Variants in PTP4A2 observed in about 807,000 individuals in gnomAD.
The protein encoded by PTP4A2 is protein tyrosine phosphatase type IVA 2.
PTP4A2 carries 2 observed loss-of-function variants against 22.9 expected under a neutral mutation model. That is an observed-to-expected ratio of 0.09 (90% CI 0.04 to 0.27). The LOEUF (loss-of-function observed/expected upper bound fraction) is 0.27, where lower values mean the gene tolerates loss of function less well. PTP4A2 is among the 10% of genes least tolerant of loss of function. The pLI, the probability that PTP4A2 is intolerant of heterozygous loss-of-function variation, is 1.00. For synonymous variants in PTP4A2, 68 were observed against 69.1 expected (o/e 0.98, Z 0.08); for missense variants, 103 against 205.1 (o/e 0.50, Z 3.04).
chr1:31,933,184 T>C (rs1306308095), intron 1 of PTP4A2: 1 of 152,254 alleles, frequency 6.6e-6, no homozygotes, highest in Non-Finnish European at 1.5e-5. Context: ...GTATTTTTTG[T>C]AGAGATGTTG....
chr1:31,915,850 G>T, intron 3 of PTP4A2, 45 bp downstream of exon 3: 1 of 1,272,606 alleles, frequency 7.9e-7, no homozygotes, highest in Non-Finnish European at 1.1e-6. Flanking sequence ...ATTTATGTTT[G>T]AAAGATACAA....
In PTP4A2 at chr1:31,915,988, C is replaced by CT. The variant is rs1651809408; in HGVS notation, c.97-2dup. The stretch of plus-strand genomic sequence containing the variant: ...TCGTCACTCCATACTTCTTAAGTTC[C>CT]TTTAAAAAAAAAAAAAATTATAATG... On this transcript the variant is annotated splice_acceptor_variant, in intron 2 of 5. Coordinates refer to ENST00000647444, the MANE Select transcript of PTP4A2 (RefSeq NM_080391.4). LOFTEE classifies it high-confidence loss of function. 1.3e-6 allele frequency: 2 copies of CT among 1,541,630 alleles called. No homozygotes were observed. The highest frequency in any genetic ancestry group is 1.7e-6 in the Non-Finnish European group (2 of 1,143,336).
At chr1:31,935,770 G>A (rs919408319) in intron 1 of PTP4A2, 2 of 152,120 alleles carry the variant, frequency 1.3e-5, no homozygotes, top group East Asian at 1.9e-4. Flanking sequence ...AGCACAGGAG[G>A]AAATTAATAC....
At chr1:31,931,174 GATTGGT>G (rs1652710597) in intron 1 of PTP4A2, 1 of 152,220 alleles carries the variant, frequency 6.6e-6, no homozygotes, top group Non-Finnish European at 1.5e-5. Context: ...AAAAATGCTT[GATTGGT>G]ATTAAGTTTT....
At chr1:31,910,659 A>G (rs895171218) in intron 4 of PTP4A2, 1 of 152,300 alleles carries the variant, frequency 6.6e-6, no homozygotes, top group African/African-American at 2.4e-5. Flanking sequence ...TCTTTAAAAC[A>G]TCACATTATA....
At chr1:31,931,631 A>AT (rs1250616635) in intron 1 of PTP4A2, among the ~76,000 whole-genome samples, 1 of 152,194 alleles carries the variant, frequency 6.6e-6, no homozygotes, top group Non-Finnish European at 1.5e-5. Context: ...TGACCTCCAA[A>AT]TGAAGATCCA....
chr1:31,913,239 CCCT>C (rs1490248702), intron 3 of PTP4A2, among the ~76,000 whole-genome samples: 1 of 152,176 alleles, frequency 6.6e-6, no homozygotes, highest in African/African-American at 2.4e-5. Flanking sequence ...TGTTCCAAAA[CCCT>C]CCTCACCTAG....
Position 31,908,124 on chromosome 1 carries a change from A to ACTGC in PTP4A2, c.*727_*728insGCAG, listed in dbSNP as rs1651284908. 2 of 472 alleles carry ACTGC rather than the reference A, an allele frequency of 4.2e-3. No individual in the cohort carries two copies. Among genetic ancestry groups the ACTGC allele is most frequent in the African/African-American group, 0.016 (2 of 128 alleles). 0.0% of individuals were successfully genotyped at this position (472 alleles called of 1,614,324 possible). A position where few individuals can be genotyped will look rare whatever the true frequency, so the allele number is the denominator to read the frequency against. ...AAAACCACCTGGAAAATATATATATATATATATATATTATATTATATATAT... is the reference window on the plus strand; with the variant it reads ...AAAACCACCTGGAAAATATATATATACTGCTATATATATATTATATTATATATAT... On this transcript the variant is annotated 3_prime_UTR_variant, in exon 6 of 6. Coordinates refer to ENST00000647444, the MANE Select transcript of PTP4A2 (RefSeq NM_080391.4).
rs561616739 is a variant in PTP4A2 at position 31,937,583 on chromosome 1, C to T, written c.-594+404G>A. On this transcript the variant is annotated intron_variant, in intron 1 of 5. Transcript: ENST00000647444. ...TCTTTACCACACTCTCAACTCTCTC[C>T]TCCCCCATTTACTCACTCATTCTAC... 2.0e-4 allele frequency among the ~76,000 whole-genome samples: 30 copies of T among 151,544 alleles called. No individual in the cohort carries two copies. The South Asian group carries it at 5.2e-3, about 26-fold the overall frequency.
At chr1:31,917,714 G>T (rs906623606) in intron 2 of PTP4A2, among the ~76,000 whole-genome samples, 6 of 152,152 alleles carry the variant, frequency 3.9e-5, no homozygotes, top group African/African-American at 1.4e-4. Context: ...AGTGGCTCAC[G>T]CCTGTAATCC....
At chr1:31,936,181 T>C (rs757715223) in intron 1 of PTP4A2, among the ~76,000 whole-genome samples, 1 of 152,018 alleles carries the variant, frequency 6.6e-6, no homozygotes, top group Non-Finnish European at 1.5e-5. Flanking sequence ...CTCACGCCTG[T>C]TAATCCCAGC....
intron 3 of PTP4A2, among the ~76,000 whole-genome samples, chr1:31,912,426 A>C (rs1244256093): frequency 1.3e-5 from 2 of 152,238 alleles, no homozygotes; most frequent in Non-Finnish European, 2.9e-5. Context: ...ACTAAATTAT[A>C]TATGTCCCCA....
intron 2 of PTP4A2, 152 bp downstream of exon 2, chr1:31,918,818 G>GA (rs780451221): frequency 2.7e-5 from 14 of 520,754 alleles, no homozygotes; most frequent in Admixed American, 3.5e-5. Flanking sequence ...AAATGTTCTT[G>GA]AAAAAATCTG....
chr1:31,925,657 G>C (rs944052156), intron 1 of PTP4A2, among the ~76,000 whole-genome samples: 1 of 152,040 alleles, frequency 6.6e-6, no homozygotes, highest in Non-Finnish European at 1.5e-5. Context: ...CTACTTGGCA[G>C]GCTGAGGCAG....
chr1:31,909,067 A>T lies in PTP4A2; in HGVS notation c.396-107T>A, dbSNP rs1436113258. ...GCCTTTCTAATTCCACACAGCTGAA[A>T]ACCAGCATATTTCCCATACTACAAC... On this transcript the variant is annotated intron_variant, in intron 5 of 5. Transcript: ENST00000647444. 6.3e-6 allele frequency: 5 copies of T among 796,452 alleles called. No homozygotes were observed. The East Asian group carries it at 1.0e-4, about 16-fold the overall frequency. 49.3% of individuals were successfully genotyped at this position (796,452 alleles called of 1,614,324 possible).
chr1:31,927,651 A>G (rs1436168343), intron 1 of PTP4A2, among the ~76,000 whole-genome samples: 1 of 152,198 alleles, frequency 6.6e-6, no homozygotes, highest in African/African-American at 2.4e-5. Flanking sequence ...AGCTTAGACC[A>G]GGGTAACAGC....
intron 3 of PTP4A2, chr1:31,913,830 T>C (rs1651674258): frequency 4.4e-6 from 2 of 456,184 alleles, no homozygotes; most frequent in Non-Finnish European, 8.8e-6. Flanking sequence ...CCAGTCATTT[T>C]CTCACTCTGC....
intron 3 of PTP4A2, among the ~76,000 whole-genome samples, chr1:31,914,988 G>C (rs1019185801): frequency 8.5e-5 from 13 of 152,154 alleles, no homozygotes; most frequent in Non-Finnish European, 4.4e-5. Flanking sequence ...CCACCTTTTT[G>C]CCTCCTACAA....
intron 3 of PTP4A2, chr1:31,913,639 C>T (rs924770510): frequency 7.2e-5 from 25 of 348,776 alleles, no homozygotes; most frequent in Non-Finnish European, 1.3e-4. Context: ...TCATATTGTG[C>T]TTTTGATTTG....
Sources: allele counts gnomAD v4.1 joint callset (sites outside exome capture counted in the v4.1 genomes callset), GRCh38; gene constraint gnomAD v4.1.1; transcripts MANE v1.5; gene names NCBI Gene and HGNC (gene_info 2026-07-23, HGNC 2026-07-21).